FRMD1: variants seen among roughly 807,000 people sequenced by gnomAD.
FRMD1 encodes the protein FERM domain containing 1.
In FRMD1, 51 loss-of-function variants were observed where a neutral mutation model predicts 54.9. The observed-to-expected ratio is 0.93, with a 90% CI of 0.74 to 1.17. The LOEUF is 1.17. Among genes scored for constraint, FRMD1 ranks in the 50% most tolerant of loss-of-function variants. The probability of loss-of-function intolerance (pLI) is 0.00; values close to 1 mark genes in which losing one functional copy is unlikely to be tolerated. For synonymous variants in FRMD1, 324 were observed against 306.4 expected (o/e 1.06, Z -0.60); for missense variants, 729 against 743.0 (o/e 0.98, Z 0.22).
chr6:168,088,840 G>C (rs1231303431), intron 1 of FRMD1, among the ~76,000 whole-genome samples: 2 of 150,140 alleles, frequency 1.3e-5, no homozygotes, highest in African/African-American at 4.9e-5. Context: ...CTACTAACCA[G>C]GTGTCCGTGT....
chr6:168,061,979 T>C lies in FRMD1; in HGVS notation c.873A>G (p.Gly291=). The change falls in exon 8 of 11, where the codon GGA becomes GGG. Residue 291 remains glycine (G), a splice_region_variant and synonymous_variant. Coordinates refer to ENST00000283309, the MANE Select transcript of FRMD1 (RefSeq NM_024919.6). ...LALRGVHIYQ[G]KKLEIQLDGL... is the part of the protein sequence containing the mutation. ...CATCCAGCTGGATCTCCAGCTTCTT[T>C]CCCTGAGCAAACAGGAGAGAAGTTG... 1 of 1,592,572 alleles carries C rather than the reference T, an allele frequency of 6.3e-7. No individual in the cohort carries two copies.
chr6:168,076,892 G>A (rs990730728), intron 1 of FRMD1, among the ~76,000 whole-genome samples: 4 of 152,136 alleles, frequency 2.6e-5, no homozygotes, highest in African/African-American at 9.7e-5. Context: ...ACACAGGTGT[G>A]CACACACTCC....
chr6:168,068,391 T>G lies in FRMD1; in HGVS notation c.305-945A>C, dbSNP rs141536542. Among the ~76,000 whole-genome samples, 3 of 152,250 alleles carry G rather than the reference T, an allele frequency of 2.0e-5. No individual in the cohort carries two copies. In the East Asian group the frequency reaches 5.8e-4, roughly 29 times the overall value. On this transcript the variant is annotated intron_variant, in intron 2 of 10. Coordinates refer to ENST00000283309, the MANE Select transcript of FRMD1 (RefSeq NM_024919.6). ...GCGACTTAAAGCAACGTACAATCCC[T>G]CCGTGTCTGCTGGGAACTGGTTCCA...
chr6:168,060,106 G>C (rs1257653268), intron 9 of FRMD1, among the ~76,000 whole-genome samples: 1 of 81,782 alleles, frequency 1.2e-5, no homozygotes, highest in Non-Finnish European at 2.4e-5. Flanking sequence ...AGTGTGGGGG[G>C]GGCTTCCTAA....
At chr6:168,063,489 G>A (rs530479668) in intron 6 of FRMD1, 112 bp downstream of exon 6, 23 of 1,269,308 alleles carry the variant, frequency 1.8e-5, no homozygotes, top group Non-Finnish European at 2.1e-5. Flanking sequence ...TTAGCCATGG[G>A]GGCTCCATCC....
At chr6:168,082,788 A>G (rs1800856635), upstream of FRMD1, among the ~76,000 whole-genome samples, 1 of 152,322 alleles carries the variant, frequency 6.6e-6, no homozygotes, top group East Asian at 1.9e-4. Context: ...TGAGGCTGGT[A>G]TCTGGGAGAT....
intron 2 of FRMD1, among the ~76,000 whole-genome samples, chr6:168,070,693 A>G (rs960666535): frequency 2.0e-5 from 3 of 152,150 alleles, no homozygotes; most frequent in African/African-American, 4.8e-5. Flanking sequence ...ACACACACAC[A>G]CTATCTGTAG....
At chr6:168,079,230 TG>T (rs1800759187), upstream of FRMD1, 5 of 1,413,846 alleles carry the variant, frequency 3.5e-6, no homozygotes, top group African/African-American at 1.4e-5. Flanking sequence ...AAGCCTGGGC[TG>T]GGAATCCAGC....
chr6:168,080,699 G>C (rs1331176873), upstream of FRMD1, among the ~76,000 whole-genome samples: 3 of 152,190 alleles, frequency 2.0e-5, no homozygotes, highest in Admixed American at 2.0e-4. Flanking sequence ...CAGCACAGAG[G>C]GGACAACAGG....
At position 168,059,047 on chromosome 6, in the gene FRMD1, G is replaced by A; in HGVS notation, c.1407+77C>T. 1 of 1,206,660 alleles carries A rather than the reference G, an allele frequency of 8.3e-7. No homozygotes were observed. The highest frequency in any genetic ancestry group is 1.2e-6 in the Non-Finnish European group (1 of 849,378). 74.7% of individuals were successfully genotyped at this position (1,206,660 alleles called of 1,614,324 possible). On this transcript the variant is annotated intron_variant, in intron 10 of 10. Transcript: ENST00000283309. This position sits in a 1 kb window ranked among gnomAD's most constrained non-coding sequence, Gnocchi z 4.4. The stretch of plus-strand genomic sequence containing the variant: ...TCTGATAGGCCTAGGAAGGTCCCCA[G>A]GGCCCCTGACAGGGGACCTAGGAGA...
At chr6:168,077,239 G>A (rs1315897348) in intron 1 of FRMD1, among the ~76,000 whole-genome samples, 1 of 152,048 alleles carries the variant, frequency 6.6e-6, no homozygotes, top group African/African-American at 2.4e-5. Context: ...CTCAATAGGG[G>A]GTTTCTGTCC....
chr6:168,064,941 T>G lies in FRMD1; in HGVS notation c.578A>C (p.Asp193Ala). Residue 193 changes from aspartate to alanine, a missense_variant, in exon 5 of 11, where the codon GAC becomes GCC. Transcript: ENST00000283309. ...GGCCGACTCCCGGTGCTCGCCCAGG[T>G]CAGCCTGCAGCGCGCAGGCAGCCAG... ...FLLAACALQA[D>A]LGEHRESAHA... 6.2e-7 allele frequency: 1 copy of G among 1,610,940 alleles called. No individual in the cohort carries two copies. Among genetic ancestry groups the G allele is most frequent in the Non-Finnish European group, 8.5e-7 (1 of 1,179,262 alleles).
At chr6:168,081,444 G>T (rs1349934326), upstream of FRMD1, 1 of 1,535,644 alleles carries the variant, frequency 6.5e-7, no homozygotes, top group South Asian at 1.2e-5. Context: ...CAGAGGCCGC[G>T]AGGAAGAGGA....
rs12201510 is a variant in FRMD1, at chr6:168,059,500, A to G, written c.1343-312T>C. 0.016 allele frequency among the ~76,000 whole-genome samples: 2,444 copies of G among 152,268 alleles called. 64 individuals carry two copies. The highest frequency in any genetic ancestry group is 0.051 in the Admixed American group (784 of 15,292). On this transcript the variant is annotated intron_variant, in intron 9 of 10. Coordinates refer to ENST00000283309, the MANE Select transcript of FRMD1 (RefSeq NM_024919.6). This position sits in a 1 kb window ranked among gnomAD's most constrained non-coding sequence, Gnocchi z 4.4. ...TGGTGGACCAGACACTCCAAGGGCA[A>G]TGGCGGACACAGTGGCTTAGTGACA... is the stretch of plus-strand genomic sequence containing the variant.
chr6:168,062,722 C>G, intron 7 of FRMD1, 172 bp downstream of exon 7: 1 of 1,554,906 alleles, frequency 6.4e-7, no homozygotes, highest in South Asian at 1.2e-5. Flanking sequence ...ACAGCAGCTG[C>G]GGAGCACGGT....
intron 3 of FRMD1, chr6:168,067,122 C>T (rs879337596): frequency 3.0e-5 from 21 of 703,760 alleles, no homozygotes; most frequent in Admixed American, 2.2e-4. Flanking sequence ...CCCCTCTGGA[C>T]GGAGCAGCTG....
At chr6:168,090,409 G>T (rs777707921) in intron 1 of FRMD1, among the ~76,000 whole-genome samples, 1 of 152,144 alleles carries the variant, frequency 6.6e-6, no homozygotes, top group African/African-American at 2.4e-5. Context: ...CCCACTAAGG[G>T]GTCCCTGGGC....
At chr6:168,067,015 C>T (rs569522575) in intron 3 of FRMD1, 184 bp from the exon 4 acceptor site, 9 of 823,996 alleles carry the variant, frequency 1.1e-5, no homozygotes, top group East Asian at 1.1e-4. Context: ...CTGAGTGGGA[C>T]GTGGTCTACA....
Position 168,062,897 on chromosome 6 carries a change from G to C in FRMD1, c.867C>G (p.Tyr289Ter). 1.2e-6 allele frequency: 2 copies of C among 1,613,836 alleles called. No individual in the cohort carries two copies. Among genetic ancestry groups the C allele is most frequent in the Non-Finnish European group, 1.7e-6 (2 of 1,179,756 alleles). Residue 289 changes from tyrosine (Y) to a stop codon, truncating the protein, a stop_gained, in exon 7 of 11, where the codon TAC (tyrosine) becomes TAG (stop). Coordinates refer to ENST00000283309, the MANE Select transcript of FRMD1 (RefSeq NM_024919.6). LOFTEE classifies it high-confidence loss of function. ...AGGCTGGAGCCCCTTCGGTCACCTGGTAGATGTGCACTCCCCTGAGGGCCA... is the reference window on the plus strand; with the variant it reads ...AGGCTGGAGCCCCTTCGGTCACCTGCTAGATGTGCACTCCCCTGAGGGCCA... ...LGLALRGVHIYQGKKLEIQLD... is the reference protein window; with the variant it reads ...LGLALRGVHI
Sources: gnomAD v4.1 joint callset for allele counts (sites outside exome capture counted in the v4.1 genomes callset) on GRCh38, gnomAD v4.1.1 for gene constraint, Gnocchi (gnomAD v3.1) non-coding constraint, MANE v1.5 for transcripts, NCBI Gene and HGNC (gene_info 2026-07-23, HGNC 2026-07-21) for gene names.